The following NRG1 variants were observed in gnomAD, a reference collection of about 807,000 sequenced individuals.
NRG1 encodes the protein neuregulin 1, also known as pro-neuregulin-1, membrane-bound isoform.
In NRG1, 18 loss-of-function variants were observed where a neutral mutation model predicts 63.8. The observed-to-expected ratio is 0.28, with a 90% confidence interval of 0.19 to 0.42. The LOEUF (loss-of-function observed/expected upper bound fraction) is 0.42. Among genes scored for constraint, NRG1 ranks in the 10% least tolerant of loss-of-function variants. The pLI is 1.00. For synonymous variants in NRG1, 302 were observed against 301.3 expected, an observed-to-expected ratio of 1.00 and a Z score of -0.02; for missense variants, 762 against 814.7, an observed-to-expected ratio of 0.94 and a Z score of 0.79.
intron 1 of NRG1, among the ~76,000 whole-genome samples, chr8:32,026,831 G>C (rs185073095): frequency 6.6e-6 from 1 of 152,032 alleles, no homozygotes; most frequent in Non-Finnish European, 1.5e-5. Context: ...CTCTACTTCA[G>C]GAATATCTGT....
intron 1 of NRG1, among the ~76,000 whole-genome samples, chr8:32,011,635 ATGT>A (rs199571307): frequency 0.014 from 2,058 of 152,160 alleles, 14 homozygotes; most frequent in Middle Eastern, 0.037. Context: ...ATGCTACAAA[ATGT>A]TGTTTGTGGA....
At chr8:32,474,423 A>T (rs1161368212) in intron 1 of NRG1, among the ~76,000 whole-genome samples, 1 of 151,744 alleles carries the variant, frequency 6.6e-6, no homozygotes, top group Non-Finnish European at 1.5e-5. Flanking sequence ...TATTTCCAAA[A>T]GCATCCCTTC....
At chr8:32,444,048 TTTTC>T (rs1819922606) in intron 1 of NRG1, among the ~76,000 whole-genome samples, 1 of 150,856 alleles carries the variant, frequency 6.6e-6, no homozygotes, top group South Asian at 2.1e-4. Context: ...CTTCCTTTCT[TTTTC>T]TTTCTCTCTC....
intron 5 of NRG1, among the ~76,000 whole-genome samples, chr8:32,638,394 A>C (rs930331125): frequency 1.3e-5 from 2 of 152,176 alleles, no homozygotes; most frequent in African/African-American, 4.8e-5. Context: ...ATTTAAATCT[A>C]ATTATTATTG....
chr8:32,634,160 T>A (rs1260445650), intron 5 of NRG1, among the ~76,000 whole-genome samples: 1 of 145,846 alleles, frequency 6.9e-6, no homozygotes, highest in Non-Finnish European at 1.5e-5. Flanking sequence ...CTAGAATGTC[T>A]GTGGAAAAAC....
chr8:32,141,327 T>C (rs1472121176), intron 1 of NRG1, among the ~76,000 whole-genome samples: 1 of 151,884 alleles, frequency 6.6e-6, no homozygotes, highest in Non-Finnish European at 1.5e-5. Context: ...CACTAACTCT[T>C]TGGCAGTATA....
At chr8:31,764,303 C>T (rs575318807) in intron 1 of NRG1, among the ~76,000 whole-genome samples, 1 of 152,220 alleles carries the variant, frequency 6.6e-6, no homozygotes, top group Admixed American at 6.5e-5. Context: ...ATATCACAAT[C>T]AGAATATTGA....
chr8:31,991,913 A>C (rs774969650), intron 1 of NRG1, among the ~76,000 whole-genome samples: 1 of 152,012 alleles, frequency 6.6e-6, no homozygotes, highest in Non-Finnish European at 1.5e-5. Context: ...AACATTTACT[A>C]ACTAATACCT....
At chr8:32,622,560 A>T (rs1328359369) in intron 5 of NRG1, among the ~76,000 whole-genome samples, 4 of 151,768 alleles carry the variant, frequency 2.6e-5, no homozygotes, top group African/African-American at 9.7e-5. Context: ...GTGCCACCAC[A>T]CCTGAGTAAT....
At chr8:32,771,155 G>T (rs6989756), downstream of NRG1, among the ~76,000 whole-genome samples, 1,223 of 152,066 alleles carry the variant, frequency 8.0e-3, 13 homozygotes, top group African/African-American at 0.028. Flanking sequence ...CTGTCACCCA[G>T]ACTGGAGTGC....
At position 32,064,571 on chromosome 8, in the gene NRG1, G is replaced by A. The variant is rs114442731; in HGVS notation, c.37+425140G>A. 9.8e-3 allele frequency among the ~76,000 whole-genome samples: 1,488 copies of A among 152,140 alleles called. 23 individuals carry two copies. The highest frequency in any genetic ancestry group is 0.034 in the African/African-American group (1,430 of 41,498). On this transcript the variant is annotated intron_variant, in intron 1 of 10. Transcript: ENST00000519301. ...CCTCATAGATTTTCAAAAACTTATC[G>A]CTAAAGTCTATTATTAACAGCTTGG...
intron 1 of NRG1, chr8:32,029,355 A>G (rs539578567): frequency 1.3e-5 from 2 of 152,350 alleles, no homozygotes; most frequent in Admixed American, 6.5e-5. Flanking sequence ...AAAGATCTCA[A>G]TTGGCTTTTA....
chr8:32,587,703 G>T (rs1002149947), intron 1 of NRG1, among the ~76,000 whole-genome samples: 13 of 152,246 alleles, frequency 8.5e-5, no homozygotes, highest in South Asian at 4.1e-4. Flanking sequence ...GGTTAGGAGA[G>T]CCTGAGATCC....
chr8:32,225,013 T>G (rs1166313033), intron 1 of NRG1, among the ~76,000 whole-genome samples: 6 of 152,146 alleles, frequency 3.9e-5, no homozygotes, highest in African/African-American at 1.4e-4. Context: ...GTCATAACAG[T>G]GTAAGGTACT....
At chr8:32,294,675 TTTACTC>T (rs1186440523) in intron 1 of NRG1, among the ~76,000 whole-genome samples, 2 of 152,198 alleles carry the variant, frequency 1.3e-5, no homozygotes, top group Non-Finnish European at 2.9e-5. Context: ...TCTGTTCACT[TTTACTC>T]TTAGCTCTGT....
intron 1 of NRG1, among the ~76,000 whole-genome samples, chr8:32,044,173 T>C (rs1283301056): frequency 6.6e-6 from 1 of 151,712 alleles, no homozygotes; most frequent in African/African-American, 2.4e-5. Context: ...TTAGACAAAA[T>C]AGACTTCAAA....
intron 1 of NRG1, among the ~76,000 whole-genome samples, chr8:31,991,620 G>T (rs1009705396): frequency 6.6e-6 from 1 of 151,972 alleles, no homozygotes; most frequent in Non-Finnish European, 1.5e-5. Context: ...GCTGGAACTG[G>T]ATTTGACACC....
At chr8:32,283,922 C>T (rs1046922130) in intron 1 of NRG1, among the ~76,000 whole-genome samples, 32 of 152,092 alleles carry the variant, frequency 2.1e-4, no homozygotes, top group Non-Finnish European at 2.9e-4. Flanking sequence ...GTCTTGTCTT[C>T]TTGGGGGCTA....
chr8:32,623,280 TC>T (rs144588364), intron 5 of NRG1, among the ~76,000 whole-genome samples: 2 of 152,310 alleles, frequency 1.3e-5, no homozygotes, highest in East Asian at 3.9e-4. Context: ...CATTCTACCC[TC>T]AGTTGTAACT....
Sources: gnomAD v4.1 joint callset for allele counts (sites outside exome capture counted in the v4.1 genomes callset) on GRCh38, gnomAD v4.1.1 for gene constraint, MANE v1.5 for transcripts, NCBI Gene and HGNC (gene_info 2026-07-23, HGNC 2026-07-21) for gene names.